ST6GAL1: variants seen among roughly 807,000 people sequenced by gnomAD.
ST6GAL1 encodes ST6 beta-galactoside alpha-2,6-sialyltransferase 1.
ST6GAL1 carries 20 observed loss-of-function variants against 38.0 expected under a neutral mutation model. The observed-to-expected ratio is 0.53, with a 90% CI of 0.37 to 0.77. The LOEUF is 0.77. ST6GAL1 is among the 30% of genes least tolerant of loss of function. The pLI is 0.00. For missense variants in ST6GAL1, 432 were observed against 496.4 expected (o/e 0.87, Z 1.23); for synonymous variants, 196 against 188.2 (o/e 1.04, Z -0.34).
rs531706808 is a variant in ST6GAL1, at chr3:186,965,313, G to T, written c.-183+1387G>T. On this transcript the variant is annotated intron_variant, in intron 2 of 7. Coordinates refer to ENST00000169298, the MANE Select transcript of ST6GAL1 (RefSeq NM_173216.2). ...TTGACTCATAATCTCTAATGCGGGTGTGGGGGACTTCCTGCCAAATGTGAA... is the reference window on the plus strand; with the variant it reads ...TTGACTCATAATCTCTAATGCGGGTTTGGGGGACTTCCTGCCAAATGTGAA... Among the ~76,000 whole-genome samples, 4 of 152,338 alleles carry T rather than the reference G, an allele frequency of 2.6e-5. No homozygotes were observed. In the South Asian group the frequency reaches 8.3e-4, roughly 32 times the overall value.
chr3:187,068,423 T>C (rs1360471404), intron 5 of ST6GAL1, among the ~76,000 whole-genome samples: 1 of 152,174 alleles, frequency 6.6e-6, no homozygotes, highest in Non-Finnish European at 1.5e-5. Context: ...ACTGACTGTG[T>C]AATTTGGACA....
At chr3:187,010,002 C>T (rs1166869378) in intron 2 of ST6GAL1, among the ~76,000 whole-genome samples, 1 of 151,942 alleles carries the variant, frequency 6.6e-6, no homozygotes, top group Non-Finnish European at 1.5e-5. Context: ...GAGACTCCAT[C>T]TAAAAAAAGA....
intron 1 of ST6GAL1, among the ~76,000 whole-genome samples, chr3:186,944,117 A>C (rs559985097): frequency 6.6e-6 from 1 of 152,356 alleles, no homozygotes; most frequent in Non-Finnish European, 1.5e-5. Flanking sequence ...GCCAATCAGT[A>C]ATCCAGAAGT....
intron 2 of ST6GAL1, among the ~76,000 whole-genome samples, chr3:187,035,419 T>C (rs373789736): frequency 1.3e-5 from 2 of 152,096 alleles, no homozygotes; most frequent in Non-Finnish European, 2.9e-5. Context: ...AATTCATGTG[T>C]AACCAAAAAA....
chr3:186,933,226 C>T (rs1380865478), intron 1 of ST6GAL1, among the ~76,000 whole-genome samples: 1 of 152,178 alleles, frequency 6.6e-6, no homozygotes, highest in Admixed American at 6.5e-5. Flanking sequence ...TTTTTGCATA[C>T]TCACAAACCG....
chr3:187,058,965 T>A (rs1211921837), intron 5 of ST6GAL1, among the ~76,000 whole-genome samples: 3 of 151,934 alleles, frequency 2.0e-5, no homozygotes, highest in East Asian at 3.8e-4. Flanking sequence ...CTAGAAGAGA[T>A]AGGATTGAAA....
chr3:186,964,257 C>CA (rs1429905850), intron 2 of ST6GAL1: 1 of 152,180 alleles, frequency 6.6e-6, no homozygotes, highest in African/African-American at 2.4e-5. Flanking sequence ...CTCTGCTCTG[C>CA]AAGGGAGCTC....
intron 1 of ST6GAL1, among the ~76,000 whole-genome samples, chr3:186,931,754 C>T (rs1302702376): frequency 3.3e-5 from 5 of 152,334 alleles, no homozygotes; most frequent in African/African-American, 1.2e-4. Context: ...TGCCCAGACA[C>T]CCCAGATGTC....
rs554572339 is a variant in ST6GAL1 at position 186,947,832 on chromosome 3, G to A, written c.-324-15953G>A. Among the ~76,000 whole-genome samples the A allele has an allele frequency of 4.6e-5, 7 of 152,332 alleles. No homozygotes were observed. In the South Asian group the frequency reaches 1.4e-3, roughly 32 times the overall value. ...TGAGACAGTTTGAAAGAGGCACACAGAAGGGTTTGTTATTGCGGACACACC... is the reference window on the plus strand; with the variant it reads ...TGAGACAGTTTGAAAGAGGCACACAAAAGGGTTTGTTATTGCGGACACACC... On this transcript the variant is annotated intron_variant, in intron 1 of 7. Coordinates refer to ENST00000169298, the MANE Select transcript of ST6GAL1 (RefSeq NM_173216.2).
chr3:187,058,266 C>T (rs11929248), intron 5 of ST6GAL1, among the ~76,000 whole-genome samples: 12,530 of 152,156 alleles, frequency 0.082, 675 homozygotes, highest in African/African-American at 0.15. Context: ...GAGGTGATGC[C>T]CCACCCTGCT....
At chr3:187,069,215 A>G (rs1226489714) in intron 5 of ST6GAL1, among the ~76,000 whole-genome samples, 2 of 151,818 alleles carry the variant, frequency 1.3e-5, no homozygotes, top group Admixed American at 6.6e-5. Context: ...GCTCACTGCA[A>G]CCTCTGCCTC....
chr3:187,069,358 C>A (rs951465538), intron 5 of ST6GAL1, among the ~76,000 whole-genome samples: 20 of 152,340 alleles, frequency 1.3e-4, no homozygotes, highest in African/African-American at 4.6e-4. Flanking sequence ...TGGTCTTGAA[C>A]TCCTGACCTC....
intron 1 of ST6GAL1, among the ~76,000 whole-genome samples, chr3:186,956,335 A>G (rs774206278): frequency 6.6e-5 from 10 of 152,144 alleles, no homozygotes; most frequent in Admixed American, 6.5e-5. Flanking sequence ...ATGTGAGGCT[A>G]TTTATAAATC....
intron 1 of ST6GAL1, 77 bp downstream of exon 1, chr3:186,930,911 G>C (rs1020893486): frequency 6.5e-6 from 1 of 153,180 alleles, no homozygotes; most frequent in African/African-American, 2.4e-5. Flanking sequence ...GGCGCGGGAG[G>C]ATAGCGGAGG....
At chr3:187,014,276 CAAGTCTTGGTGCAAATGA>C (rs1185776815) in intron 2 of ST6GAL1, among the ~76,000 whole-genome samples, 1 of 152,224 alleles carries the variant, frequency 6.6e-6, no homozygotes, top group Non-Finnish European at 1.5e-5. Flanking sequence ...TGTCTGACTC[CAAGTCTTGGTGCAAATGA>C]AATTCAGCAC....
intron 2 of ST6GAL1, among the ~76,000 whole-genome samples, chr3:186,966,061 C>A (rs1027489233): frequency 1.3e-5 from 2 of 152,088 alleles, no homozygotes; most frequent in African/African-American, 4.8e-5. Flanking sequence ...ACCACGCTGG[C>A]TAATTATTTT....
intron 2 of ST6GAL1, among the ~76,000 whole-genome samples, chr3:186,991,167 G>T (rs933255080): frequency 6.6e-5 from 10 of 152,148 alleles, no homozygotes; most frequent in African/African-American, 2.2e-4. Flanking sequence ...TGACTTTTCA[G>T]CCAGGCCAGG....
At chr3:187,024,988 C>CGCGT (rs1553827908) in intron 2 of ST6GAL1, 6 of 145,594 alleles carry the variant, frequency 4.1e-5, no homozygotes, top group African/African-American at 1.5e-4. Flanking sequence ...GAACCTGGTG[C>CGCGT]GTGTGTGTGT....
intron 2 of ST6GAL1, among the ~76,000 whole-genome samples, chr3:186,995,982 C>T (rs1365133569): frequency 6.6e-6 from 1 of 152,192 alleles, no homozygotes; most frequent in Non-Finnish European, 1.5e-5. Flanking sequence ...CCCACAGGTG[C>T]AGTGGCCATA....
Sources: gnomAD v4.1 joint callset for allele counts (sites outside exome capture counted in the v4.1 genomes callset) on GRCh38, gnomAD v4.1.1 for gene constraint, MANE v1.5 for transcripts, NCBI Gene and HGNC (gene_info 2026-07-23, HGNC 2026-07-21) for gene names.